Variants in EYA3 observed in about 807,000 individuals in gnomAD.
EYA3 encodes protein phosphatase EYA3.
EYA3 carries 39 observed loss-of-function variants against 80.0 expected under a neutral mutation model. The ratio of observed to expected loss-of-function variants is 0.49; its 90% CI spans 0.38 to 0.64. The LOEUF (loss-of-function observed/expected upper bound fraction) is 0.64, where lower values mean the gene tolerates loss of function less well. Ranked by LOEUF, EYA3 falls within the 30% of genes least tolerant of loss-of-function variation. The pLI, the probability that EYA3 is intolerant of heterozygous loss-of-function variation, is 0.00. For synonymous variants in EYA3, 206 were observed against 232.8 expected, an observed-to-expected ratio of 0.88 and a Z score of 1.05; for missense variants, 523 against 676.1, an observed-to-expected ratio of 0.77 and a Z score of 2.51.
At chr1:28,072,976 T>C (rs1260510819) in intron 1 of EYA3, among the ~76,000 whole-genome samples, 2 of 150,860 alleles carry the variant, frequency 1.3e-5, no homozygotes, top group Non-Finnish European at 3.0e-5. Flanking sequence ...CTACATATTG[T>C]ATAATTCCAT....
chr1:28,053,666 A>T (rs1480379832), intron 2 of EYA3, among the ~76,000 whole-genome samples: 1 of 152,242 alleles, frequency 6.6e-6, no homozygotes, highest in Non-Finnish European at 1.5e-5. Flanking sequence ...GAATAAACTT[A>T]AGGATGTGCA....
At chr1:28,012,681 G>T (rs1641774017) in intron 9 of EYA3, among the ~76,000 whole-genome samples, 1 of 152,190 alleles carries the variant, frequency 6.6e-6, no homozygotes, top group Non-Finnish European at 1.5e-5. Flanking sequence ...ATATTTCTCT[G>T]AGGGAAAAGG....
At chr1:28,023,499 T>C (rs559874607) in intron 7 of EYA3, among the ~76,000 whole-genome samples, 1 of 152,350 alleles carries the variant, frequency 6.6e-6, no homozygotes, top group South Asian at 2.1e-4. Flanking sequence ...GATGATAGTA[T>C]GGCACCTTGC....
chr1:28,013,266 T>C lies in EYA3; in HGVS notation c.614A>G (p.Gln205Arg), dbSNP rs1243467660. The change falls in exon 9 of 18, where the codon CAG becomes CGG. Residue 205 changes from glutamine (Q) to arginine (R), a missense_variant. By Grantham distance (43) the Gln-to-Arg change is conservative. Coordinates refer to ENST00000373871, the MANE Select transcript of EYA3 (RefSeq NM_001990.4). This position sits in a 1 kb window ranked among gnomAD's most constrained non-coding sequence, Gnocchi z 4.0. ...QDYPTYTILG[Q>R]NQYQACYPSS... ...GGGGTAGCAGGCCTGGTACTGATTC[T>C]GACCAAGAATAGTATAGGTGGGATA... The C allele has an allele frequency of 1.2e-6, 2 of 1,613,812 alleles. No individual in the cohort carries two copies. Among genetic ancestry groups the C allele is most frequent in the East Asian group, 4.5e-5 (2 of 44,896 alleles).
At chr1:28,048,539 A>G (rs1644120175) in intron 2 of EYA3, 113 bp from the exon 3 acceptor site, 2 of 687,978 alleles carry the variant, frequency 2.9e-6, no homozygotes, top group East Asian at 5.8e-5. Flanking sequence ...AATTTTGTTT[A>G]GTCTAGATTT....
At chr1:28,072,124 G>C (rs1202420899) in intron 1 of EYA3, among the ~76,000 whole-genome samples, 1 of 152,056 alleles carries the variant, frequency 6.6e-6, no homozygotes, top group Non-Finnish European at 1.5e-5. Flanking sequence ...AAAAAATTAT[G>C]TGACATATAA....
chr1:28,039,019 G>A, intron 4 of EYA3, 114 bp from the exon 5 acceptor site: 1 of 557,548 alleles, frequency 1.8e-6, no homozygotes, highest in Non-Finnish European at 3.1e-6. Flanking sequence ...AATACAGCTT[G>A]GACACCAGAT....
rs1175730427 is a variant in EYA3 at position 28,030,587 on chromosome 1, T to C, written c.362-2661A>G. 3.9e-5 allele frequency among the ~76,000 whole-genome samples: 6 copies of C among 152,182 alleles called. No individual in the cohort carries two copies. In the South Asian group the frequency reaches 6.2e-4, roughly 16 times the overall value. On this transcript the variant is annotated intron_variant, in intron 6 of 17. Transcript: ENST00000373871. ...TAGGTATGGGTCACCGTGCCTGGCT[T>C]TGCCCCAAACTCTTAATGCATAAAA... is the stretch of plus-strand genomic sequence containing the variant.
At chr1:28,026,386 T>C (rs1246622638) in intron 7 of EYA3, among the ~76,000 whole-genome samples, 1 of 151,524 alleles carries the variant, frequency 6.6e-6, no homozygotes, top group Non-Finnish European at 1.5e-5. Context: ...GAAGCTGGGG[T>C]GGGAGGATTG....
chr1:28,023,881 G>C (rs1256459988), intron 7 of EYA3, among the ~76,000 whole-genome samples: 3 of 152,052 alleles, frequency 2.0e-5, no homozygotes, highest in African/African-American at 7.2e-5. Context: ...GCAGGAGGAG[G>C]GATATATGGG....
In EYA3 at chr1:28,038,898, T is replaced by C. The variant is rs373725906; in HGVS notation, c.165A>G (p.Thr55=). ...ATGAGCGAGGGATGTAATCGGTGCA[T>C]GTCATAACTGAAAGAAAGATAATAT... ...SNLPMSEEIM[T]CTDYIPRSSN... Residue 55 remains threonine, a synonymous_variant, in exon 5 of 18, where the codon ACA becomes ACG. Coordinates refer to ENST00000373871, the MANE Select transcript of EYA3 (RefSeq NM_001990.4). The C allele has an allele frequency of 1.9e-6, 3 of 1,592,948 alleles. No homozygotes were observed. The highest frequency in any genetic ancestry group is 2.3e-5 in the South Asian group (2 of 87,420).
At chr1:28,015,037 G>C (rs1641957514) in intron 8 of EYA3, among the ~76,000 whole-genome samples, 1 of 152,138 alleles carries the variant, frequency 6.6e-6, no homozygotes, top group Non-Finnish European at 1.5e-5. Flanking sequence ...TTGTGCATGG[G>C]CAGAAGAAGG....
At chr1:28,079,212 C>A (rs1645333603) in intron 1 of EYA3, among the ~76,000 whole-genome samples, 1 of 152,206 alleles carries the variant, frequency 6.6e-6, no homozygotes. Context: ...TGTCTGCTGA[C>A]CCTGTTTCAC....
intron 1 of EYA3, among the ~76,000 whole-genome samples, chr1:28,071,553 G>C (rs1273794430): frequency 6.6e-6 from 1 of 152,040 alleles, no homozygotes; most frequent in Non-Finnish European, 1.5e-5. Flanking sequence ...TTTTTCATTG[G>C]AAAAACGTGA....
intron 16 of EYA3, among the ~76,000 whole-genome samples, chr1:27,984,084 A>G (rs1639489050): frequency 6.6e-6 from 1 of 152,232 alleles, no homozygotes; most frequent in South Asian, 2.1e-4. Context: ...GCTAAAGTGC[A>G]GTGCAGTGGC....
chr1:27,983,908 G>A (rs1639477469), intron 16 of EYA3, among the ~76,000 whole-genome samples: 1 of 152,212 alleles, frequency 6.6e-6, no homozygotes, highest in African/African-American at 2.4e-5. Context: ...ACCCACCTCG[G>A]CCTCCCAAAG....
chr1:27,981,144 C>G (rs551520316), intron 16 of EYA3, among the ~76,000 whole-genome samples: 18 of 152,286 alleles, frequency 1.2e-4, no homozygotes, highest in African/African-American at 4.1e-4. Flanking sequence ...TTAAGAGAAC[C>G]ATATTTTGCT....
At chr1:28,074,587 CTCAG>C (rs1645139915) in intron 1 of EYA3, among the ~76,000 whole-genome samples, 1 of 151,294 alleles carries the variant, frequency 6.6e-6, no homozygotes, top group Non-Finnish European at 1.5e-5. Flanking sequence ...ATTGTCCCTC[CTCAG>C]TAAGTGCAAG....
chr1:28,008,018 A>G (rs1359199871), intron 10 of EYA3, among the ~76,000 whole-genome samples: 1 of 152,232 alleles, frequency 6.6e-6, no homozygotes, highest in African/African-American at 2.4e-5. Flanking sequence ...TGGTACTAGC[A>G]TAAGGATAGA....
Sources: gnomAD v4.1 joint callset for allele counts (sites outside exome capture counted in the v4.1 genomes callset) on GRCh38, gnomAD v4.1.1 for gene constraint, Gnocchi (gnomAD v3.1) non-coding constraint, MANE v1.5 for transcripts, NCBI Gene and HGNC (gene_info 2026-07-23, HGNC 2026-07-21) for gene names.